Variants in CNTNAP2 observed in about 807,000 individuals in gnomAD.
The protein encoded by CNTNAP2 is contactin-associated protein-like 2.
A neutral mutation model predicts 155.2 loss-of-function variants in CNTNAP2; 98 were observed. That is an observed-to-expected ratio of 0.63 (90% CI 0.54 to 0.75). The LOEUF (loss-of-function observed/expected upper bound fraction) is 0.75. CNTNAP2 is among the 30% of genes least tolerant of loss of function. The pLI is 0.00. For synonymous variants in CNTNAP2, 651 were observed against 631.2 expected (o/e 1.03, Z -0.47); for missense variants, 1,727 against 1,688.1 (o/e 1.02, Z -0.40).
chr7:146,665,793 A>AAAAAAAAAAAAAAC (rs1156878906), intron 1 of CNTNAP2, among the ~76,000 whole-genome samples: 1 of 148,308 alleles, frequency 6.7e-6, no homozygotes, highest in Non-Finnish European at 1.5e-5. Context: ...TAAAAAAAAA[A>AAAAAAAAAAAAAAC]AAAAATACAT....
intron 12 of CNTNAP2, among the ~76,000 whole-genome samples, chr7:147,617,200 C>T (rs946626903): frequency 1.3e-5 from 2 of 152,182 alleles, no homozygotes; most frequent in African/African-American, 4.8e-5. Context: ...AATGCTCTGT[C>T]ACCAGCTTGC....
At chr7:148,183,430 G>T (rs1424976990) in intron 18 of CNTNAP2, among the ~76,000 whole-genome samples, 1 of 139,704 alleles carries the variant, frequency 7.2e-6, no homozygotes. Context: ...TTTTAAAATT[G>T]TCTTTGAAAT....
chr7:146,411,923 G>A (rs762790459), intron 1 of CNTNAP2, among the ~76,000 whole-genome samples: 10 of 151,644 alleles, frequency 6.6e-5, no homozygotes, highest in South Asian at 4.2e-4. Flanking sequence ...TACAACATCC[G>A]CCTCCCTGGT....
chr7:147,584,933 C>T (rs1000319483), intron 12 of CNTNAP2, among the ~76,000 whole-genome samples: 11 of 152,112 alleles, frequency 7.2e-5, no homozygotes, highest in African/African-American at 2.4e-4. Flanking sequence ...GATCTTGAGA[C>T]AAGGCATGCG....
At chr7:147,007,977 T>G (rs78527427) in intron 3 of CNTNAP2, among the ~76,000 whole-genome samples, 4,065 of 152,276 alleles carry the variant, frequency 0.027, 88 homozygotes, top group Middle Eastern at 0.048. Flanking sequence ...AAGTTCATTT[T>G]CCTGTTTCTT....
intron 15 of CNTNAP2, among the ~76,000 whole-genome samples, chr7:148,083,718 C>T (rs1803663351): frequency 6.6e-6 from 1 of 152,114 alleles, no homozygotes; most frequent in Non-Finnish European, 1.5e-5. Context: ...ATCTCTAGAG[C>T]CTCTCAGAAG....
At chr7:146,729,232 A>T (rs1801483674) in intron 1 of CNTNAP2, among the ~76,000 whole-genome samples, 3 of 152,166 alleles carry the variant, frequency 2.0e-5, no homozygotes, top group Admixed American at 2.0e-4. Context: ...GAGTAGCTTA[A>T]AACAGCTGAC....
chr7:147,282,856 A>G (rs1357938147), intron 8 of CNTNAP2, among the ~76,000 whole-genome samples: 1 of 151,900 alleles, frequency 6.6e-6, no homozygotes, highest in Non-Finnish European at 1.5e-5. Flanking sequence ...TTGGCCTCCC[A>G]AAATGCTGGG....
At chr7:146,833,036 C>CTATATATTTATATATATATATAAA (rs1194212152) in intron 2 of CNTNAP2, among the ~76,000 whole-genome samples, 2 of 152,004 alleles carry the variant, frequency 1.3e-5, no homozygotes, top group Non-Finnish European at 2.9e-5. Context: ...TAATTGGTAG[C>CTATATATTTATATATATATATAAA]CTTTCCTCAG....
chr7:148,173,674 T>A (rs1030910202), intron 18 of CNTNAP2, among the ~76,000 whole-genome samples: 30 of 152,228 alleles, frequency 2.0e-4, no homozygotes, highest in Non-Finnish European at 2.4e-4. Context: ...ACAGTGCATT[T>A]TTCTGTTCAG....
At chr7:146,483,857 A>G (rs1279682313) in intron 1 of CNTNAP2, among the ~76,000 whole-genome samples, 1 of 152,128 alleles carries the variant, frequency 6.6e-6, no homozygotes, top group Non-Finnish European at 1.5e-5. Flanking sequence ...TTAGTTGGAT[A>G]TTGAAGAAAA....
intron 21 of CNTNAP2, among the ~76,000 whole-genome samples, chr7:148,296,545 C>CAAAAAAAA (rs143609414): frequency 0.043 from 3,272 of 76,266 alleles, 357 homozygotes; most frequent in Middle Eastern, 0.06. Context: ...GACTCTGTCT[C>CAAAAAAAA]AAAAAAAAAA....
chr7:147,323,462 C>T (rs3094539), intron 9 of CNTNAP2, among the ~76,000 whole-genome samples: 1 of 144,702 alleles, frequency 6.9e-6, no homozygotes, highest in East Asian at 2.2e-4. Flanking sequence ...AATTTCTGTT[C>T]TTTTACATTT....
intron 1 of CNTNAP2, among the ~76,000 whole-genome samples, chr7:146,167,189 A>G (rs997528313): frequency 6.6e-6 from 1 of 152,248 alleles, no homozygotes; most frequent in Non-Finnish European, 1.5e-5. Flanking sequence ...CCACAAATCC[A>G]TAAATCATAC....
At chr7:147,877,860 T>C (rs979235739) in intron 13 of CNTNAP2, among the ~76,000 whole-genome samples, 11 of 152,212 alleles carry the variant, frequency 7.2e-5, no homozygotes, top group African/African-American at 2.7e-4. Flanking sequence ...CTTTAAAAGA[T>C]ATTAAATCAT....
At chr7:148,413,447 T>TATATATATA (rs1563079560) in intron 23 of CNTNAP2, among the ~76,000 whole-genome samples, 18 of 116,130 alleles carry the variant, frequency 1.5e-4, no homozygotes, top group South Asian at 2.8e-4. Context: ...TATATATATA[T>TATATATATA]TGCTCCATAG....
chr7:147,512,915 TTAGCAAG>T (rs1799046846), intron 11 of CNTNAP2, among the ~76,000 whole-genome samples: 1 of 152,018 alleles, frequency 6.6e-6, no homozygotes, highest in Non-Finnish European at 1.5e-5. Context: ...ACAATTAGAG[TTAGCAAG>T]CAGAGCTATG....
intron 9 of CNTNAP2, among the ~76,000 whole-genome samples, chr7:147,370,895 A>G (rs1187989740): frequency 6.6e-6 from 1 of 152,192 alleles, no homozygotes; most frequent in Non-Finnish European, 1.5e-5. Context: ...AACTTTCAAT[A>G]TGCTTAGTAT....
At chr7:147,293,270 C>A (rs1402369073) in intron 8 of CNTNAP2, among the ~76,000 whole-genome samples, 2 of 152,126 alleles carry the variant, frequency 1.3e-5, no homozygotes, top group Non-Finnish European at 2.9e-5. Flanking sequence ...CCTGCCCAAG[C>A]ACCTTTTTAC....
Sources: gnomAD v4.1 joint callset for allele counts (sites outside exome capture counted in the v4.1 genomes callset) on GRCh38, gnomAD v4.1.1 for gene constraint, MANE v1.5 for transcripts, NCBI Gene and HGNC (gene_info 2026-07-23, HGNC 2026-07-21) for gene names.